ARHGEF4: variants seen among roughly 807,000 people sequenced by gnomAD.
The protein encoded by ARHGEF4 is APC-stimulated guanine nucleotide exchange factor 1.
A neutral mutation model predicts 162.0 loss-of-function variants in ARHGEF4; 119 were observed. The ratio of observed to expected loss-of-function variants is 0.73; its 90% confidence interval spans 0.63 to 0.86. ARHGEF4 has a LOEUF of 0.86. Among genes scored for constraint, ARHGEF4 ranks in the 40% least tolerant of loss-of-function variants. ARHGEF4 has a pLI of 0.00. For synonymous variants in ARHGEF4, 1,014 were observed against 979.9 expected (o/e 1.03, Z -0.65); for missense variants, 2,488 against 2,456.0 (o/e 1.01, Z -0.28).
At chr2:131,022,654 ATAC>A (rs1239940646) in intron 4 of ARHGEF4, among the ~76,000 whole-genome samples, 4 of 8,720 alleles carry the variant, frequency 4.6e-4, no homozygotes, top group African/African-American at 7.9e-4. Context: ...TTCACACATT[ATAC>A]AAAAAAAAAA....
At chr2:131,031,325 G>C (rs1689836394) in intron 5 of ARHGEF4, among the ~76,000 whole-genome samples, 1 of 152,264 alleles carries the variant, frequency 6.6e-6, no homozygotes, top group Non-Finnish European at 1.5e-5. Flanking sequence ...ACTCGGGGCA[G>C]AGCCGCGAGG....
At chr2:130,837,877 C>T (rs913786369) in intron 1 of ARHGEF4, among the ~76,000 whole-genome samples, 13 of 152,316 alleles carry the variant, frequency 8.5e-5, no homozygotes, top group African/African-American at 2.9e-4. Context: ...GGAGGGCGCC[C>T]TACTTGGCTG....
intron 1 of ARHGEF4, among the ~76,000 whole-genome samples, chr2:130,909,054 A>G (rs1167322320): frequency 6.6e-6 from 1 of 152,238 alleles, no homozygotes; most frequent in Non-Finnish European, 1.5e-5. Context: ...GTTGTGGAGC[A>G]GCAGGACCTC....
intron 4 of ARHGEF4, among the ~76,000 whole-genome samples, chr2:131,005,600 C>G (rs1688068619): frequency 6.6e-6 from 1 of 152,176 alleles, no homozygotes; most frequent in Non-Finnish European, 1.5e-5. Context: ...TCCCAGGCTG[C>G]CCTAGTCTTC....
intron 3 of ARHGEF4, among the ~76,000 whole-genome samples, chr2:130,942,861 G>A (rs1446165033): frequency 6.6e-6 from 1 of 152,048 alleles, no homozygotes; most frequent in Admixed American, 6.6e-5. Flanking sequence ...TATCACCAAG[G>A]ATATAGCCTC....
At chr2:131,045,280 C>A (rs756390065) in intron 12 of ARHGEF4, 89 bp from the exon 13 acceptor site, 214 of 1,231,150 alleles carry the variant, frequency 1.7e-4, no homozygotes, top group Non-Finnish European at 2.2e-4. Context: ...CATGATGAGA[C>A]CCTGGGCACC....
chr2:130,952,364 C>G (rs1291877614), intron 4 of ARHGEF4, among the ~76,000 whole-genome samples: 2 of 152,042 alleles, frequency 1.3e-5, no homozygotes, highest in East Asian at 3.9e-4. Context: ...ATTCAACAGC[C>G]CTTCATGCTA....
At position 131,046,570 on chromosome 2, in the gene ARHGEF4, T is replaced by G. The variant is rs1320235093; in HGVS notation, c.*381T>G. 3 of 174,010 alleles carry G rather than the reference T, an allele frequency of 1.7e-5. No individual in the cohort carries two copies. Among genetic ancestry groups the G allele is most frequent in the East Asian group, 1.6e-4 (1 of 6,182 alleles). The allele number at this position is 174,010 out of a possible 1,614,324, so 10.8% of individuals were successfully genotyped here. On this transcript the variant is annotated 3_prime_UTR_variant, in exon 14 of 14. Transcript: ENST00000409359. Reference sequence around the variant, plus strand: ...TCTGGAAACCTAATCCTCCTTTCATTTCCTCTGGGCAGGACTCTCTGGCCT... The same window carrying G: ...TCTGGAAACCTAATCCTCCTTTCATGTCCTCTGGGCAGGACTCTCTGGCCT...
chr2:130,945,230 C>A (rs1683533363), intron 3 of ARHGEF4, among the ~76,000 whole-genome samples: 1 of 151,960 alleles, frequency 6.6e-6, no homozygotes, highest in Non-Finnish European at 1.5e-5. Context: ...GTCTAGGAGC[C>A]CTCCTTTCCT....
In ARHGEF4 at chr2:130,871,552, TATACATATATATATACACATATATAC is replaced by T. The variant is rs578044356; in HGVS notation, c.39+34575_39+34600del. ...ACTCCGTCTCAAAAAAATATATATA[TATACATATATATATACACATATATAC>T]ATACATATATATATGCATACACACA... On this transcript the variant is annotated intron_variant, in intron 1 of 13. Transcript: ENST00000409359. Among the ~76,000 whole-genome samples the T allele has an allele frequency of 3.2e-3, 477 of 147,990 alleles. 1 individual carries two copies. Among genetic ancestry groups the T allele is most frequent in the Non-Finnish European group, 5.2e-3 (352 of 67,570 alleles).
chr2:131,010,033 C>T (rs1456856395), intron 4 of ARHGEF4, among the ~76,000 whole-genome samples: 2 of 152,166 alleles, frequency 1.3e-5, no homozygotes, highest in African/African-American at 2.4e-5. Flanking sequence ...TCACATTCTA[C>T]GTTCAGGTTT....
intron 2 of ARHGEF4, among the ~76,000 whole-genome samples, chr2:130,925,052 G>A (rs966729129): frequency 6.8e-6 from 1 of 147,066 alleles, no homozygotes; most frequent in Non-Finnish European, 1.5e-5. Flanking sequence ...GTGTGTGTGT[G>A]TGTGTGTGTG....
In ARHGEF4 at chr2:130,916,696, CA is replaced by C. The variant is rs1681519516; in HGVS notation, c.2753del (p.Asn918ThrfsTer6). 1 of 1,550,526 alleles carries C rather than the reference CA, an allele frequency of 6.4e-7. No homozygotes were observed. Reference sequence around the variant, plus strand: ...TTGGCCTTGGCTCATAAGACCTTTTCAAACTTTATTGAGTCAATAGTTCTAG... The same window carrying C: ...TTGGCCTTGGCTCATAAGACCTTTTCAACTTTATTGAGTCAATAGTTCTAG... ...ARLALAHKTF[S>X]NFIESIVLEK... On this transcript the variant is annotated frameshift_variant, in exon 2 of 14. Transcript: ENST00000409359. LOFTEE classifies it high-confidence loss of function.
intron 6 of ARHGEF4, chr2:131,039,782 G>A (rs1203482417): frequency 3.6e-6 from 5 of 1,397,910 alleles, no homozygotes; most frequent in South Asian, 1.6e-5. Flanking sequence ...CTAGGAAGGA[G>A]GCCAAATCGG....
At chr2:130,876,294 G>T (rs16856231) in intron 1 of ARHGEF4, among the ~76,000 whole-genome samples, 5,464 of 152,284 alleles carry the variant, frequency 0.036, 186 homozygotes, top group East Asian at 0.1. Flanking sequence ...GAATGCTGCC[G>T]AGTGGATGGA....
intron 4 of ARHGEF4, among the ~76,000 whole-genome samples, chr2:131,015,142 T>C (rs931428925): frequency 1.3e-5 from 2 of 152,138 alleles, no homozygotes; most frequent in Admixed American, 1.3e-4. Flanking sequence ...GGAAGAGAAC[T>C]GGGAGACGAA....
chr2:130,970,592 A>C (rs1476741420), intron 4 of ARHGEF4, among the ~76,000 whole-genome samples: 13 of 144,610 alleles, frequency 9.0e-5, no homozygotes, highest in African/African-American at 3.3e-4. Flanking sequence ...TCCATCAAAA[A>C]AAAAAAAAAA....
intron 1 of ARHGEF4, among the ~76,000 whole-genome samples, chr2:130,867,814 C>T (rs940312901): frequency 5.3e-5 from 8 of 152,280 alleles, no homozygotes; most frequent in South Asian, 2.1e-4. Context: ...GCCTTCTCCC[C>T]GGTCCCACTG....
rs767246501 is a variant in ARHGEF4, at chr2:130,946,641, T to G, written c.3985+6T>G. 2.5e-6 allele frequency: 4 copies of G among 1,613,748 alleles called. No individual in the cohort carries two copies. The Middle Eastern group carries it at 4.9e-4, about 200-fold the overall frequency. ...AGAGCACACACCAGGCACTGGTGAGTTACGCGCCTCTCTCTTTTGCTATGT... is the reference window on the plus strand; with the variant it reads ...AGAGCACACACCAGGCACTGGTGAGGTACGCGCCTCTCTCTTTTGCTATGT... On this transcript the variant is annotated splice_donor_region_variant and intron_variant, in intron 4 of 13. Coordinates refer to ENST00000409359, the MANE Select transcript of ARHGEF4 (RefSeq NM_001367493.1).
Sources: gnomAD v4.1 joint callset for allele counts (sites outside exome capture counted in the v4.1 genomes callset) on GRCh38, gnomAD v4.1.1 for gene constraint, MANE v1.5 for transcripts, NCBI Gene and HGNC (gene_info 2026-07-23, HGNC 2026-07-21) for gene names.